The following SYT13 variants were observed in gnomAD, a reference collection of about 807,000 sequenced individuals.
SYT13 encodes the protein synaptotagmin-13.
A neutral mutation model predicts 38.6 loss-of-function variants in SYT13; 21 were observed. That is an observed-to-expected ratio of 0.54 (90% CI 0.39 to 0.78). The LOEUF is 0.78. Ranked by LOEUF, SYT13 falls within the 30% of genes least tolerant of loss-of-function variation. The probability of loss-of-function intolerance (pLI) is 0.00; values close to 1 mark genes in which losing one functional copy is unlikely to be tolerated. For synonymous variants in SYT13, 241 were observed against 237.6 expected, an observed-to-expected ratio of 1.01 and a Z score of -0.13; for missense variants, 495 against 548.7, an observed-to-expected ratio of 0.90 and a Z score of 0.98.
In SYT13 at chr11:45,243,795, T is replaced by C. The variant is rs141172450; in HGVS notation, c.*257A>G. 228 of 448,584 alleles carry C rather than the reference T, an allele frequency of 5.1e-4. 1 individual carries two copies. Among genetic ancestry groups the C allele is most frequent in the African/African-American group, 4.0e-3 (205 of 50,710 alleles). The allele number at this position is 448,584 out of a possible 1,614,324, so 27.8% of individuals were successfully genotyped here. A position where few individuals can be genotyped will look rare whatever the true frequency, so the allele number is the denominator to read the frequency against. On this transcript the variant is annotated 3_prime_UTR_variant, in exon 6 of 6. Coordinates refer to ENST00000020926, the MANE Select transcript of SYT13 (RefSeq NM_020826.3). ...CCTAACCCCACCTATAAAACAGGCATAGGAACTGTATTTAATAAGCACCTC... is the reference window on the plus strand; with the variant it reads ...CCTAACCCCACCTATAAAACAGGCACAGGAACTGTATTTAATAAGCACCTC...
At chr11:45,271,656 G>A (rs1854950772) in intron 1 of SYT13, among the ~76,000 whole-genome samples, 1 of 152,178 alleles carries the variant, frequency 6.6e-6, no homozygotes, top group Non-Finnish European at 1.5e-5. Context: ...AATGACATGA[G>A]CAAAACAGTG....
At chr11:45,254,870 T>G (rs546484935) in intron 2 of SYT13, among the ~76,000 whole-genome samples, 2 of 152,160 alleles carry the variant, frequency 1.3e-5, no homozygotes, top group African/African-American at 4.8e-5. Context: ...CCCCAGCACT[T>G]CGAGAGGCCA....
rs538021955 is a variant in SYT13 at position 45,265,309 on chromosome 11, G to A, written c.184-9418C>T. On this transcript the variant is annotated intron_variant, in intron 1 of 5. Transcript: ENST00000020926. ...CCAGGGACAATTTGGCCGCTCAGGC[G>A]ACATTTGCAGTGTCTGGAGACATTT... is the stretch of plus-strand genomic sequence containing the variant. 2.8e-4 allele frequency among the ~76,000 whole-genome samples: 43 copies of A among 152,354 alleles called. No individual in the cohort carries two copies. The South Asian group carries it at 8.1e-3, about 29-fold the overall frequency.
chr11:45,279,310 A>T (rs181559678), intron 1 of SYT13, among the ~76,000 whole-genome samples: 1 of 152,374 alleles, frequency 6.6e-6, no homozygotes, highest in African/African-American at 2.4e-5. Flanking sequence ...GGCCATGTGC[A>T]GTGGATCACA....
At position 45,246,473 on chromosome 11, in the gene SYT13, T is replaced by C. The variant is rs367963993; in HGVS notation, c.886A>G (p.Ser296Gly). ...AGAGEVLLSI[S>G]YLPAANRLLV... Reference sequence around the variant, plus strand: ...AGGCGGTTGGCAGCCGGGAGGTAGCTGATGGATAGTAGGACCTCTCCAGCT... The same window carrying C: ...AGGCGGTTGGCAGCCGGGAGGTAGCCGATGGATAGTAGGACCTCTCCAGCT... Residue 296 changes from serine to glycine, a missense_variant, in exon 5 of 6, where the codon AGC (serine) becomes GGC (glycine). Physicochemically the swap from Ser to Gly is moderately conservative, Grantham distance 56 (BLOSUM62 0). Coordinates refer to ENST00000020926, the MANE Select transcript of SYT13 (RefSeq NM_020826.3). The C allele has an allele frequency of 3.1e-6, 5 of 1,614,058 alleles. No homozygotes were observed. In the African/African-American group the frequency reaches 6.7e-5, roughly 22 times the overall value.
At chr11:45,279,480 G>T (rs1219851357) in intron 1 of SYT13, among the ~76,000 whole-genome samples, 1 of 152,070 alleles carries the variant, frequency 6.6e-6, no homozygotes, top group African/African-American at 2.4e-5. Flanking sequence ...CCAGCTACTT[G>T]GGAGGCTGAG....
chr11:45,244,362 G>A lies in SYT13; in HGVS notation c.977-6C>T. 2 of 1,608,072 alleles carry A rather than the reference G, an allele frequency of 1.2e-6. No homozygotes were observed. The highest frequency in any genetic ancestry group is 1.7e-6 in the Non-Finnish European group (2 of 1,176,106). ...GGTCACCTTGACAGAGACATCTGGGGAGGGGCAGAGGGGAAAAAGAGACAG... is the reference window on the plus strand; with the variant it reads ...GGTCACCTTGACAGAGACATCTGGGAAGGGGCAGAGGGGAAAAAGAGACAG... On this transcript the variant is annotated splice_polypyrimidine_tract_variant and splice_region_variant and intron_variant, in intron 5 of 5. Coordinates refer to ENST00000020926, the MANE Select transcript of SYT13 (RefSeq NM_020826.3).
intron 1 of SYT13, among the ~76,000 whole-genome samples, chr11:45,260,532 C>T (rs1473349951): frequency 2.6e-5 from 4 of 152,156 alleles, no homozygotes; most frequent in East Asian, 3.9e-4. Flanking sequence ...AGAGACCTTG[C>T]TCCAGCCTTC....
intron 1 of SYT13, among the ~76,000 whole-genome samples, chr11:45,270,071 ATG>A (rs1228402672): frequency 6.6e-6 from 1 of 152,254 alleles, no homozygotes; most frequent in African/African-American, 2.4e-5. Flanking sequence ...GCTGTCAGCA[ATG>A]TGTTTCACCT....
intron 1 of SYT13, among the ~76,000 whole-genome samples, chr11:45,256,417 C>T (rs781530887): frequency 4.6e-5 from 7 of 152,202 alleles, no homozygotes; most frequent in Non-Finnish European, 1.0e-4. Flanking sequence ...GGGCTCTTTC[C>T]TTGGTCCAGC....
At chr11:45,274,725 C>A (rs896668384) in intron 1 of SYT13, among the ~76,000 whole-genome samples, 1 of 152,184 alleles carries the variant, frequency 6.6e-6, no homozygotes, top group East Asian at 1.9e-4. Flanking sequence ...TCTTCAAACA[C>A]CATCTTTTCC....
chr11:45,250,806 C>T (rs1043645812), intron 4 of SYT13, among the ~76,000 whole-genome samples: 5 of 152,174 alleles, frequency 3.3e-5, no homozygotes, highest in African/African-American at 1.2e-4. Context: ...CTCTTCCCTC[C>T]TGCAGTCTGG....
chr11:45,260,436 T>C (rs1046881345), intron 1 of SYT13, among the ~76,000 whole-genome samples: 1 of 152,116 alleles, frequency 6.6e-6, no homozygotes, highest in Non-Finnish European at 1.5e-5. Flanking sequence ...GTTCAGGGGT[T>C]GAGAGAGGGA....
Position 45,286,202 on chromosome 11 carries a change from C to CA in SYT13, c.5dup (p.Leu3AlafsTer63). On this transcript the variant is annotated frameshift_variant, in exon 1 of 6. Coordinates refer to ENST00000020926, the MANE Select transcript of SYT13 (RefSeq NM_020826.3). LOFTEE classifies it high-confidence loss of function. ...CCAGCGCGATCACAGGCACCGACAG[C>CA]ACCATGGTGCCCGCTCCCGGCGAGG... The CA allele has an allele frequency of 6.4e-7, 1 of 1,557,062 alleles. No homozygotes were observed. The highest frequency in any genetic ancestry group is 8.7e-7 in the Non-Finnish European group (1 of 1,154,696).
intron 1 of SYT13, among the ~76,000 whole-genome samples, chr11:45,280,087 G>A (rs570436335): frequency 1.7e-4 from 26 of 152,124 alleles, no homozygotes; most frequent in Non-Finnish European, 3.5e-4. Flanking sequence ...ATATCCCAAG[G>A]CCTAGCATGT....
chr11:45,255,150 AC>A (rs1854728831), intron 2 of SYT13, among the ~76,000 whole-genome samples: 1 of 152,108 alleles, frequency 6.6e-6, no homozygotes, highest in South Asian at 2.1e-4. Flanking sequence ...TCTCAAAAAA[AC>A]AACAAAAAAC....
At position 45,279,104 on chromosome 11, in the gene SYT13, A is replaced by C. The variant is rs564996584; in HGVS notation, c.183+6921T>G. 5.3e-4 allele frequency among the ~76,000 whole-genome samples: 81 copies of C among 152,324 alleles called. 1 individual carries two copies. In the South Asian group the frequency reaches 0.016, roughly 30 times the overall value. ...CAATGGCTCAAATAAAATTTTGACTACTTTTTTCTGCTAATCTTCAACCTA... is the reference window on the plus strand; with the variant it reads ...CAATGGCTCAAATAAAATTTTGACTCCTTTTTTCTGCTAATCTTCAACCTA... On this transcript the variant is annotated intron_variant, in intron 1 of 5. Transcript: ENST00000020926.
intron 1 of SYT13, among the ~76,000 whole-genome samples, chr11:45,259,652 T>TC (rs1440724494): frequency 1.3e-5 from 2 of 152,118 alleles, no homozygotes; most frequent in Admixed American, 6.5e-5. Context: ...TTCCATCCCA[T>TC]CCCCAGCTCC....
intron 1 of SYT13, among the ~76,000 whole-genome samples, chr11:45,272,600 G>C (rs530678748): frequency 6.6e-6 from 1 of 152,200 alleles, no homozygotes; most frequent in Non-Finnish European, 1.5e-5. Context: ...AAACCTAATA[G>C]ATTTCCTTCT....
Sources: allele counts gnomAD v4.1 joint callset (sites outside exome capture counted in the v4.1 genomes callset), GRCh38; gene constraint gnomAD v4.1.1; transcripts MANE v1.5; gene names NCBI Gene and HGNC (gene_info 2026-07-23, HGNC 2026-07-21).